Variants in PTPRG observed in about 807,000 individuals in gnomAD.
The protein encoded by PTPRG is receptor-type tyrosine-protein phosphatase gamma.
Under a neutral mutation model 165.3 loss-of-function variants are expected in PTPRG, and 102 were observed. That is an observed-to-expected ratio of 0.62 (90% CI 0.53 to 0.73). The LOEUF is 0.73. Among genes scored for constraint, PTPRG ranks in the 30% least tolerant of loss-of-function variants. PTPRG has a pLI of 0.00. For synonymous variants in PTPRG, 675 were observed against 669.5 expected (o/e 1.01, Z -0.13); for missense variants, 1,866 against 1,861.4 (o/e 1.00, Z -0.05).
At position 61,773,232 on chromosome 3, in the gene PTPRG, A is replaced by G. The variant is rs189012944; in HGVS notation, c.190+24250A>G. ...GTCAGGTGGAAATTGTTCAGAAAAA[A>G]AGTGACAAAGACCATACAATGATAG... is the stretch of plus-strand genomic sequence containing the variant. On this transcript the variant is annotated intron_variant, in intron 2 of 29. Coordinates refer to ENST00000474889, the MANE Select transcript of PTPRG (RefSeq NM_002841.4). 2.6e-3 allele frequency among the ~76,000 whole-genome samples: 400 copies of G among 152,310 alleles called. 3 individuals carry two copies. Among genetic ancestry groups the G allele is most frequent in the African/African-American group, 9.3e-3 (387 of 41,568 alleles).
At chr3:61,821,853 CA>C (rs2107259002) in intron 2 of PTPRG, among the ~76,000 whole-genome samples, 1 of 152,304 alleles carries the variant, frequency 6.6e-6, no homozygotes, top group South Asian at 2.1e-4. Context: ...ATGTGGTAGT[CA>C]CAGTTATTTT....
At chr3:61,563,716 C>T (rs747712330) in intron 1 of PTPRG, among the ~76,000 whole-genome samples, 12 of 152,232 alleles carry the variant, frequency 7.9e-5, no homozygotes, top group Admixed American at 7.8e-4. Flanking sequence ...CGCCTGTCCT[C>T]GGGCGGCTGG....
In PTPRG at chr3:62,219,095, G is replaced by T; in HGVS notation, c.2288+112G>T. ...CATTCAGGAAGGTGAGGTAGCTTAA[G>T]TGTTTCTGGTCTTGCCACCCGGAAG... is the stretch of plus-strand genomic sequence containing the variant. On this transcript the variant is annotated intron_variant, in intron 13 of 29. Coordinates refer to ENST00000474889, the MANE Select transcript of PTPRG (RefSeq NM_002841.4). This position sits in a 1 kb window ranked among gnomAD's most constrained non-coding sequence, Gnocchi z 4.5. 1 of 1,422,064 alleles carries T rather than the reference G, an allele frequency of 7.0e-7. No homozygotes were observed. The highest frequency in any genetic ancestry group is 9.5e-7 in the Non-Finnish European group (1 of 1,050,462). 88.1% of individuals were successfully genotyped at this position (1,422,064 alleles called of 1,614,324 possible). A position where few individuals can be genotyped will look rare whatever the true frequency, so the allele number is the denominator to read the frequency against.
At chr3:61,670,682 C>T (rs541031676) in intron 1 of PTPRG, among the ~76,000 whole-genome samples, 20 of 152,258 alleles carry the variant, frequency 1.3e-4, no homozygotes, top group African/African-American at 4.1e-4. Context: ...TAAAATCTCT[C>T]GCAGTCCCCC....
intron 1 of PTPRG, among the ~76,000 whole-genome samples, chr3:61,568,378 G>T (rs2106765237): frequency 6.6e-6 from 1 of 152,266 alleles, no homozygotes; most frequent in East Asian, 1.9e-4. Context: ...AGTATGAAAA[G>T]GATTGTTAGG....
chr3:61,921,242 AATTT>A (rs1430456945), intron 2 of PTPRG, among the ~76,000 whole-genome samples: 6 of 152,064 alleles, frequency 3.9e-5, no homozygotes, highest in Non-Finnish European at 8.8e-5. Context: ...CTTTTATTTT[AATTT>A]AATATTTAAG....
chr3:61,731,349 C>CTTTTTTT (rs543374959), intron 1 of PTPRG, among the ~76,000 whole-genome samples: 2 of 132,196 alleles, frequency 1.5e-5, no homozygotes, highest in Admixed American at 7.7e-5. Context: ...TTCCTTTTTC[C>CTTTTTTT]TTTTTTTTTT....
intron 2 of PTPRG, among the ~76,000 whole-genome samples, chr3:61,938,312 T>C (rs1318274687): frequency 6.6e-6 from 1 of 152,024 alleles, no homozygotes; most frequent in African/African-American, 2.4e-5. Flanking sequence ...TAAAGTTGTT[T>C]GTATGACCAT....
In PTPRG at chr3:61,681,181, A is replaced by G. The variant is rs144265601; in HGVS notation, c.86-67697A>G. On this transcript the variant is annotated intron_variant, in intron 1 of 29. Transcript: ENST00000474889. ...ATCCTAAAAGCTTTTAGCTTGTGAAAAGCTTCTTTTCTTGCTTTTAAAACC... is the reference window on the plus strand; with the variant it reads ...ATCCTAAAAGCTTTTAGCTTGTGAAGAGCTTCTTTTCTTGCTTTTAAAACC... 3.6e-3 allele frequency among the ~76,000 whole-genome samples: 552 copies of G among 152,260 alleles called. 1 individual carries two copies. The highest frequency in any genetic ancestry group is 0.017 in the Middle Eastern group (5 of 294).
chr3:61,759,549 C>T (rs998759672), intron 2 of PTPRG, among the ~76,000 whole-genome samples: 4 of 151,760 alleles, frequency 2.6e-5, no homozygotes, highest in African/African-American at 7.3e-5. Context: ...CCCAGCTACT[C>T]GGAAGGCTGA....
At position 61,677,612 on chromosome 3, in the gene PTPRG, C is replaced by T. The variant is rs1015679345; in HGVS notation, c.86-71266C>T. On this transcript the variant is annotated intron_variant, in intron 1 of 29. Coordinates refer to ENST00000474889, the MANE Select transcript of PTPRG (RefSeq NM_002841.4). Reference sequence around the variant, plus strand: ...GATCTAGGCCTGTGATTAAAACCTGCCCATTGCTTATGTGTCTAAAAGTTC... The same window carrying T: ...GATCTAGGCCTGTGATTAAAACCTGTCCATTGCTTATGTGTCTAAAAGTTC... 3.9e-5 allele frequency among the ~76,000 whole-genome samples: 6 copies of T among 152,236 alleles called. No individual in the cohort carries two copies. In the East Asian group the frequency reaches 1.2e-3, roughly 29 times the overall value.
At chr3:61,889,300 T>A (rs986817622) in intron 2 of PTPRG, among the ~76,000 whole-genome samples, 1 of 152,204 alleles carries the variant, frequency 6.6e-6, no homozygotes, top group Non-Finnish European at 1.5e-5. Flanking sequence ...TCGTTTGACT[T>A]TATCATTGGG....
intron 1 of PTPRG, among the ~76,000 whole-genome samples, chr3:61,584,386 C>T (rs1022982021): frequency 2.6e-5 from 4 of 152,178 alleles, no homozygotes; most frequent in Non-Finnish European, 5.9e-5. Context: ...GAGTGGAGGT[C>T]AGCAGTGTCT....
chr3:62,242,668 A>T (rs1701187710), intron 14 of PTPRG, among the ~76,000 whole-genome samples: 1 of 152,108 alleles, frequency 6.6e-6, no homozygotes, highest in Non-Finnish European at 1.5e-5. Flanking sequence ...TTTTTCTCTA[A>T]CCTTCCCAAC....
At chr3:61,888,219 G>GTGTC (rs886911190) in intron 2 of PTPRG, among the ~76,000 whole-genome samples, 1 of 151,792 alleles carries the variant, frequency 6.6e-6, no homozygotes, top group African/African-American at 2.4e-5. Flanking sequence ...GTGTGTGTGT[G>GTGTC]TGTCTGTCTG....
At chr3:62,259,135 G>C (rs1701620294) in intron 16 of PTPRG, among the ~76,000 whole-genome samples, 1 of 152,212 alleles carries the variant, frequency 6.6e-6, no homozygotes, top group African/African-American at 2.4e-5. Flanking sequence ...AAAGAACAAA[G>C]CTTAGTCCAC....
intron 10 of PTPRG, among the ~76,000 whole-genome samples, chr3:62,198,041 G>A (rs1488945776): frequency 2.6e-5 from 4 of 152,068 alleles, no homozygotes; most frequent in Admixed American, 2.6e-4. Context: ...AATTTAATCT[G>A]GCTTGGGAGC....
intron 2 of PTPRG, among the ~76,000 whole-genome samples, chr3:61,971,830 G>A (rs2040391336): frequency 6.6e-6 from 1 of 152,182 alleles, no homozygotes; most frequent in Admixed American, 6.5e-5. Context: ...CAATAGAGTT[G>A]TTTAAAATCC....
At chr3:61,638,591 G>GTTTT (rs34396141) in intron 1 of PTPRG, among the ~76,000 whole-genome samples, 1,420 of 58,716 alleles carry the variant, frequency 0.024, 143 homozygotes, top group African/African-American at 0.042. Context: ...TGCCTGGCTA[G>GTTTT]TTTTTTTTTT....
Sources: allele counts gnomAD v4.1 joint callset (sites outside exome capture counted in the v4.1 genomes callset), GRCh38; gene constraint gnomAD v4.1.1; non-coding constraint Gnocchi (gnomAD v3.1); transcripts MANE v1.5; gene names NCBI Gene and HGNC (gene_info 2026-07-23, HGNC 2026-07-21).